The following NT5M variants were observed in gnomAD, a reference collection of about 807,000 sequenced individuals.
The protein encoded by NT5M is 5',3'-nucleotidase, mitochondrial.
Under a neutral mutation model 22.2 loss-of-function variants are expected in NT5M, and 22 were observed. The ratio of observed to expected loss-of-function variants is 0.99; its 90% CI spans 0.71 to 1.41. NT5M has a LOEUF of 1.41. NT5M is among the 40% of genes most tolerant of loss of function. The pLI, the probability that NT5M is intolerant of heterozygous loss-of-function variation, is 0.00. For missense variants in NT5M, 322 were observed against 314.8 expected (o/e 1.02, Z -0.17); for synonymous variants, 167 against 133.0 (o/e 1.26, Z -1.76).
intron 3 of NT5M, among the ~76,000 whole-genome samples, chr17:17,324,957 T>A (rs1038610758): frequency 6.6e-6 from 1 of 152,200 alleles, no homozygotes; most frequent in Non-Finnish European, 1.5e-5. Context: ...CCAGGCCCAC[T>A]GTTTCAGGTC....
At chr17:17,335,028 C>G (rs1273850765) in intron 3 of NT5M, among the ~76,000 whole-genome samples, 2 of 151,850 alleles carry the variant, frequency 1.3e-5, no homozygotes, top group East Asian at 3.8e-4. Context: ...TACCTTCTCT[C>G]AGCAATGTTT....
intron 3 of NT5M, among the ~76,000 whole-genome samples, chr17:17,336,311 T>A (rs946315251): frequency 1.3e-5 from 2 of 152,144 alleles, no homozygotes. Context: ...CTATTCATTC[T>A]ATTTTTTTGT....
intron 3 of NT5M, among the ~76,000 whole-genome samples, chr17:17,326,505 T>C (rs1031031927): frequency 6.6e-6 from 1 of 152,220 alleles, no homozygotes; most frequent in Non-Finnish European, 1.5e-5. Flanking sequence ...ATTGCCTTGC[T>C]CAGGGAATCA....
intron 3 of NT5M, among the ~76,000 whole-genome samples, chr17:17,335,870 A>G (rs1247863298): frequency 6.6e-6 from 1 of 152,048 alleles, no homozygotes; most frequent in African/African-American, 2.4e-5. Flanking sequence ...GACCTCAAGT[A>G]ATCCACCTGC....
chr17:17,305,495 G>C (rs1002239546), intron 1 of NT5M, among the ~76,000 whole-genome samples: 5 of 146,518 alleles, frequency 3.4e-5, no homozygotes, highest in African/African-American at 1.3e-4. Context: ...GGTCTTCACA[G>C]TACCCTATGT....
At chr17:17,332,030 T>C (rs1567895177) in intron 3 of NT5M, among the ~76,000 whole-genome samples, 1 of 152,026 alleles carries the variant, frequency 6.6e-6, no homozygotes, top group East Asian at 1.9e-4. Context: ...TCCACCCGCC[T>C]CGGCCTCCCA....
chr17:17,315,763 T>G (rs1351805930), intron 2 of NT5M, among the ~76,000 whole-genome samples: 2 of 133,558 alleles, frequency 1.5e-5, no homozygotes, highest in African/African-American at 2.8e-5. Flanking sequence ...TTTTTTTTTT[T>G]TTTTTTTTTT....
intron 3 of NT5M, among the ~76,000 whole-genome samples, chr17:17,344,404 G>A (rs528301109): frequency 5.3e-5 from 8 of 152,306 alleles, no homozygotes; most frequent in South Asian, 2.1e-4. Context: ...CTAACAGTAC[G>A]CACTGCCCAC....
chr17:17,343,780 G>C (rs918887860), intron 3 of NT5M, among the ~76,000 whole-genome samples: 1 of 152,172 alleles, frequency 6.6e-6, no homozygotes, highest in Admixed American at 6.5e-5. Context: ...TCTGCTGCTG[G>C]TTAACCTCTG....
At position 17,347,334 on chromosome 17, in the gene NT5M, A is replaced by G. The variant is rs2049781728; in HGVS notation, c.*387A>G. 2 of 195,006 alleles carry G rather than the reference A, an allele frequency of 1.0e-5. No homozygotes were observed. Among genetic ancestry groups the G allele is most frequent in the South Asian group, 1.1e-4 (1 of 8,748 alleles). The allele number at this position is 195,006 out of a possible 1,614,324, so 12.1% of individuals were successfully genotyped here. On this transcript the variant is annotated 3_prime_UTR_variant, in exon 5 of 5. Transcript: ENST00000389022. ...TTCCCTGTTCCCAGAGTCTGCAGCC[A>G]TCAGCAAGGAGGACCAGGAACCCGG...
chr17:17,339,939 T>C (rs1279597440), intron 3 of NT5M, among the ~76,000 whole-genome samples: 1 of 152,182 alleles, frequency 6.6e-6, no homozygotes, highest in Non-Finnish European at 1.5e-5. Context: ...TATAGTTTTC[T>C]TTTCTTTTTT....
intron 1 of NT5M, among the ~76,000 whole-genome samples, chr17:17,305,651 G>A (rs7211243): frequency 0.089 from 13,578 of 152,042 alleles, 1,157 homozygotes; most frequent in African/African-American, 0.22. Context: ...GTGCAGAACA[G>A]CTGGTAGAGG....
In NT5M at chr17:17,315,744, G is replaced by GTTTTTTTTTTTTTTTTTTTTTTTT. The variant is rs1173004367; in HGVS notation, c.369-7434_369-7433insTTTTTTTTTTTTTTTTTTTTTTTT. Among the ~76,000 whole-genome samples, 3 of 67,714 alleles carry GTTTTTTTTTTTTTTTTTTTTTTTT rather than the reference G, an allele frequency of 4.4e-5. 1 individual carries two copies. Among genetic ancestry groups the GTTTTTTTTTTTTTTTTTTTTTTTT allele is most frequent in the Non-Finnish European group, 8.0e-5 (3 of 37,274 alleles). The allele number at this position is 67,714 out of a possible 152,430, so 44.4% of individuals were successfully genotyped here. On this transcript the variant is annotated intron_variant, in intron 2 of 4. Transcript: ENST00000389022. ...AGAGATTGATGTGATCTAACTTAGG[G>GTTTTTTTTTTTTTTTTTTTTTTTT]TTTTTTTGTTTTTTTTTTTTTTTTT...
chr17:17,317,049 G>GTTTTTTT (rs1351062225), intron 2 of NT5M, among the ~76,000 whole-genome samples: 16 of 81,722 alleles, frequency 2.0e-4, no homozygotes, highest in African/African-American at 4.9e-4. Flanking sequence ...TTTTGTTTTT[G>GTTTTTTT]TTTTTGTTTT....
chr17:17,310,849 G>A (rs1295969692), intron 2 of NT5M, among the ~76,000 whole-genome samples: 1 of 152,052 alleles, frequency 6.6e-6, no homozygotes, highest in Non-Finnish European at 1.5e-5. Flanking sequence ...TGACAAGAGC[G>A]AGACCCTGTC....
intron 2 of NT5M, among the ~76,000 whole-genome samples, chr17:17,308,024 T>C (rs9909850): frequency 0.77 from 116,734 of 151,894 alleles, 45,412 homozygotes; most frequent in Non-Finnish European, 0.83. Context: ...CACTCTAGCC[T>C]GGGCAACAAG....
chr17:17,307,799 G>A (rs933205228), intron 2 of NT5M, among the ~76,000 whole-genome samples: 26 of 152,016 alleles, frequency 1.7e-4, no homozygotes, highest in Non-Finnish European at 2.8e-4. Flanking sequence ...GAGGTTGCAC[G>A]GTGAGCCAAG....
At chr17:17,345,283 G>A (rs531823260) in intron 4 of NT5M, 17 of 1,030,586 alleles carry the variant, frequency 1.6e-5, no homozygotes, top group Admixed American at 5.0e-5. Flanking sequence ...ATGAATGACA[G>A]GAGGGCAGAG....
At chr17:17,312,146 G>C (rs1567881686) in intron 2 of NT5M, among the ~76,000 whole-genome samples, 2 of 152,360 alleles carry the variant, frequency 1.3e-5, no homozygotes, top group East Asian at 3.9e-4. Flanking sequence ...CACATAGCAG[G>C]TGCTCAGCAA....
Sources: gnomAD v4.1 joint callset for allele counts (sites outside exome capture counted in the v4.1 genomes callset) on GRCh38, gnomAD v4.1.1 for gene constraint, MANE v1.5 for transcripts, NCBI Gene and HGNC (gene_info 2026-07-23, HGNC 2026-07-21) for gene names.